The following TOMM70 variants were observed in gnomAD, a reference collection of about 807,000 sequenced individuals.
TOMM70 encodes translocase of outer mitochondrial membrane 70, also known as mitochondrial import receptor subunit TOM70.
In TOMM70, 13 loss-of-function variants were observed where a neutral mutation model predicts 73.6. The observed-to-expected ratio is 0.18, with a 90% CI of 0.11 to 0.28. The LOEUF (loss-of-function observed/expected upper bound fraction) is 0.28. Among genes scored for constraint, TOMM70 ranks in the 10% least tolerant of loss-of-function variants. The pLI, the probability that TOMM70 is intolerant of heterozygous loss-of-function variation, is 1.00. For missense variants in TOMM70, 609 were observed against 747.5 expected (o/e 0.81, Z 2.16); for synonymous variants, 257 against 271.2 (o/e 0.95, Z 0.51).
intron 3 of TOMM70, among the ~76,000 whole-genome samples, chr3:100,385,797 GTTTTC>G (rs1706684041): frequency 6.6e-6 from 1 of 152,060 alleles, no homozygotes; most frequent in Non-Finnish European, 1.5e-5. Context: ...ACAAAACAAT[GTTTTC>G]TTTAATGATT....
At chr3:100,367,955 A>G in intron 11 of TOMM70, 89 bp downstream of exon 11, 3 of 1,354,002 alleles carry the variant, frequency 2.2e-6, no homozygotes, top group East Asian at 2.5e-5. Flanking sequence ...AGGAAAGAAC[A>G]TAACAGACTT....
chr3:100,374,446 A>C (rs1706541900), intron 7 of TOMM70, among the ~76,000 whole-genome samples: 1 of 152,208 alleles, frequency 6.6e-6, no homozygotes, highest in Non-Finnish European at 1.5e-5. Context: ...GTTATTATTA[A>C]TGCATAGCTC....
At chr3:100,378,370 G>GGGGTT (rs1158475660) in intron 5 of TOMM70, among the ~76,000 whole-genome samples, 2 of 152,202 alleles carry the variant, frequency 1.3e-5, no homozygotes, top group Non-Finnish European at 2.9e-5. Context: ...AGTGTGGCAT[G>GGGGTT]GGGTTGGGGT....
At chr3:100,399,265 T>G (rs1706861027) in intron 1 of TOMM70, among the ~76,000 whole-genome samples, 2 of 145,066 alleles carry the variant, frequency 1.4e-5, no homozygotes, top group Admixed American at 1.4e-4. Context: ...GGCAACAAAG[T>G]GAGACTCCAT....
intron 5 of TOMM70, 144 bp from the exon 6 acceptor site, chr3:100,378,056 C>A: frequency 1.6e-6 from 1 of 622,790 alleles, no homozygotes; most frequent in African/African-American, 1.8e-5. Context: ...ACCAGCCTGG[C>A]CAACATGGTG....
rs776054507 is a variant in TOMM70, at chr3:100,400,653, A to C, written c.297T>G (p.Pro99=). Residue 99 remains proline, a synonymous_variant, in exon 1 of 12, where the codon CCT becomes CCG. Coordinates refer to ENST00000284320, the MANE Select transcript of TOMM70 (RefSeq NM_014820.5). Reference sequence around the variant, plus strand: ...TGTCCAAGTGAGCACCGGGACCTTCAGGGTGTCCGCTGCCCGGGGCCGGAC... The same window carrying C: ...TGTCCAAGTGAGCACCGGGACCTTCCGGGTGTCCGCTGCCCGGGGCCGGAC... ...RASPAPGSGH[P]EGPGAHLDMN... 5 of 1,612,316 alleles carry C rather than the reference A, an allele frequency of 3.1e-6. No homozygotes were observed. In the South Asian group the frequency reaches 5.5e-5, roughly 18 times the overall value.
intron 5 of TOMM70, among the ~76,000 whole-genome samples, 176 bp from the exon 6 acceptor site, chr3:100,378,088 A>G (rs1706586466): frequency 6.6e-6 from 1 of 152,112 alleles, no homozygotes; most frequent in Non-Finnish European, 1.5e-5. Context: ...TACTAAAAAT[A>G]CAAAAATTAG....
At chr3:100,394,380 A>T (rs1338098670) in intron 1 of TOMM70, among the ~76,000 whole-genome samples, 5 of 108,660 alleles carry the variant, frequency 4.6e-5, no homozygotes, top group East Asian at 5.9e-4. Context: ...TTTTTTTTTG[A>T]GATAGAGTTT....
intron 4 of TOMM70, 82 bp downstream of exon 4, chr3:100,384,397 C>T (rs546470205): frequency 1.0e-6 from 1 of 954,100 alleles, no homozygotes; most frequent in South Asian, 2.2e-5. Context: ...ACCACTATGC[C>T]TAAGCTTAAG....
Position 100,400,844 on chromosome 3 carries a change from GC to G in TOMM70, c.105del (p.Leu36CysfsTer42). On this transcript the variant is annotated frameshift_variant, in exon 1 of 12. Transcript: ENST00000284320. LOFTEE classifies it high-confidence loss of function. ...GGGTAGPGTG[G>X]LPRWQLALAV... ...GCCAGAGCCAGCTGCCATCGCGGCA[GC>G]CCCCCCGTGCCCGGGCCCGCAGTCC... 6.6e-7 allele frequency: 1 copy of G among 1,523,156 alleles called. No individual in the cohort carries two copies. The allele number at this position is 1,523,156 out of a possible 1,614,324, so 94.4% of individuals were successfully genotyped here.
chr3:100,397,941 A>T (rs1255507218), intron 1 of TOMM70, among the ~76,000 whole-genome samples: 1 of 146,662 alleles, frequency 6.8e-6, no homozygotes, highest in African/African-American at 2.6e-5. Context: ...TCATGAAATT[A>T]AAAAATCATC....
intron 6 of TOMM70, among the ~76,000 whole-genome samples, chr3:100,376,897 T>C (rs535356430): frequency 6.6e-6 from 1 of 152,292 alleles, no homozygotes; most frequent in East Asian, 1.9e-4. Flanking sequence ...ACATATAACA[T>C]ATATCAGTTG....
intron 3 of TOMM70, among the ~76,000 whole-genome samples, chr3:100,386,015 C>T (rs923318640): frequency 6.6e-6 from 1 of 152,126 alleles, no homozygotes; most frequent in African/African-American, 2.4e-5. Context: ...TCTTAATAGT[C>T]ATTTAATTCC....
chr3:100,364,936 T>C lies in TOMM70; in HGVS notation c.*628A>G, dbSNP rs905673749. ...CAAGAAAATCTGCTGTTGTGGACTT[T>C]AAGAAGAATGTACACTATCCATTAG... On this transcript the variant is annotated 3_prime_UTR_variant, in exon 12 of 12. Transcript: ENST00000284320. 3 of 152,174 alleles carry C rather than the reference T, an allele frequency of 2.0e-5. No homozygotes were observed. The highest frequency in any genetic ancestry group is 2.0e-4 in the Admixed American group (3 of 15,270). 9.4% of individuals were successfully genotyped at this position (152,174 alleles called of 1,614,324 possible). A position where few individuals can be genotyped will look rare whatever the true frequency, so the allele number is the denominator to read the frequency against.
In TOMM70 at chr3:100,364,151, A is replaced by G. The variant is rs1706422820; in HGVS notation, c.*1413T>C. On this transcript the variant is annotated 3_prime_UTR_variant, in exon 12 of 12. Coordinates refer to ENST00000284320, the MANE Select transcript of TOMM70 (RefSeq NM_014820.5). The stretch of plus-strand genomic sequence containing the variant: ...TAGCATATAAGCAAAAGGATGGTCT[A>G]TAAAAGTGGAAAATGGAAATAAATC... 1 of 152,222 alleles carries G rather than the reference A, an allele frequency of 6.6e-6. No individual in the cohort carries two copies. The highest frequency in any genetic ancestry group is 2.4e-5 in the African/African-American group (1 of 41,452). 9.4% of individuals were successfully genotyped at this position (152,222 alleles called of 1,614,324 possible). A position where few individuals can be genotyped will look rare whatever the true frequency, so the allele number is the denominator to read the frequency against.
At chr3:100,381,385 A>G (rs1350763524) in intron 5 of TOMM70, among the ~76,000 whole-genome samples, 1 of 152,202 alleles carries the variant, frequency 6.6e-6, no homozygotes, top group African/African-American at 2.4e-5. Flanking sequence ...AAAGCAGGGT[A>G]GACTCCTGGC....
intron 1 of TOMM70, among the ~76,000 whole-genome samples, chr3:100,394,813 T>TA (rs1456597113): frequency 6.6e-6 from 1 of 152,146 alleles, no homozygotes; most frequent in Non-Finnish European, 1.5e-5. Flanking sequence ...AACCAATTGT[T>TA]ACTTTCATAT....
chr3:100,378,291 A>G (rs1284828862), intron 5 of TOMM70, among the ~76,000 whole-genome samples: 2 of 151,946 alleles, frequency 1.3e-5, no homozygotes, highest in Non-Finnish European at 2.9e-5. Context: ...CAATGTTAAA[A>G]CATGCCACAT....
intron 5 of TOMM70, among the ~76,000 whole-genome samples, chr3:100,378,879 T>C (rs991542427): frequency 1.4e-4 from 22 of 151,988 alleles, no homozygotes; most frequent in Middle Eastern, 6.8e-3. Context: ...TGGTGGCGGG[T>C]GCCTATAGTC....
Sources: gnomAD v4.1 joint callset for allele counts (sites outside exome capture counted in the v4.1 genomes callset) on GRCh38, gnomAD v4.1.1 for gene constraint, MANE v1.5 for transcripts, NCBI Gene and HGNC (gene_info 2026-07-23, HGNC 2026-07-21) for gene names.